NOL10: variants seen among roughly 807,000 people sequenced by gnomAD.
NOL10 encodes H_NH0074G24.1.
A neutral mutation model predicts 103.5 loss-of-function variants in NOL10; 58 were observed. That is an observed-to-expected ratio of 0.56 (90% CI 0.45 to 0.70). The LOEUF is 0.70. Ranked by LOEUF, NOL10 falls within the 30% of genes least tolerant of loss-of-function variation. NOL10 has a pLI of 0.00. For synonymous variants in NOL10, 287 were observed against 282.5 expected, an observed-to-expected ratio of 1.02 and a Z score of -0.16; for missense variants, 763 against 807.3, an observed-to-expected ratio of 0.95 and a Z score of 0.67.
At chr2:10,657,084 C>T (rs1271575843) in intron 11 of NOL10, among the ~76,000 whole-genome samples, 6 of 152,048 alleles carry the variant, frequency 3.9e-5, no homozygotes, top group African/African-American at 1.2e-4. Flanking sequence ...TTCAGGAGGT[C>T]GAGGCAGGCG....
intron 13 of NOL10, among the ~76,000 whole-genome samples, chr2:10,641,166 C>T (rs1185307233): frequency 1.9e-5 from 2 of 102,990 alleles, no homozygotes; most frequent in African/African-American, 7.6e-5. Flanking sequence ...ACTAAAAATA[C>T]AAAAATACAA....
intron 12 of NOL10, among the ~76,000 whole-genome samples, chr2:10,649,970 T>G (rs1293954283): frequency 6.6e-6 from 1 of 152,184 alleles, no homozygotes; most frequent in Non-Finnish European, 1.5e-5. Flanking sequence ...CATTCTTAAC[T>G]CAAAGGCTGC....
At chr2:10,662,124 G>T (rs1047985194) in intron 9 of NOL10, among the ~76,000 whole-genome samples, 3 of 152,120 alleles carry the variant, frequency 2.0e-5, no homozygotes, top group South Asian at 4.1e-4. Context: ...TAACATGTAT[G>T]CCATTGACGA....
At chr2:10,686,548 A>T (rs1682223650) in intron 1 of NOL10, among the ~76,000 whole-genome samples, 1 of 152,172 alleles carries the variant, frequency 6.6e-6, no homozygotes, top group African/African-American at 2.4e-5. Context: ...CTGGCAGCTT[A>T]CTGATAACAG....
intron 20 of NOL10, among the ~76,000 whole-genome samples, chr2:10,575,760 CCT>C (rs1220828839): frequency 6.6e-6 from 1 of 152,140 alleles, no homozygotes; most frequent in Non-Finnish European, 1.5e-5. Context: ...GTGCTGCAGA[CCT>C]GGGATCCTTC....
chr2:10,638,203 A>T (rs906474366), intron 13 of NOL10, among the ~76,000 whole-genome samples: 1 of 152,110 alleles, frequency 6.6e-6, no homozygotes, highest in Non-Finnish European at 1.5e-5. Context: ...GGAGGATGCT[A>T]GAGCCCCAAA....
In NOL10 at chr2:10,663,156, C is replaced by T. The variant is rs1303744228; in HGVS notation, c.592-112G>A. 3.1e-5 allele frequency: 23 copies of T among 752,802 alleles called. No homozygotes were observed. The South Asian group carries it at 3.7e-4, about 12-fold the overall frequency. The allele number at this position is 752,802 out of a possible 1,614,324, so 46.6% of individuals were successfully genotyped here. On this transcript the variant is annotated intron_variant, in intron 8 of 20. Coordinates refer to ENST00000381685, the MANE Select transcript of NOL10 (RefSeq NM_024894.4). ...CCGAGGCGGGCTGATCACCTGAAGC[C>T]AGGAGTTTGAGACTAGTCTGACTAA...
rs189406572 is a variant in NOL10, at chr2:10,673,497, C to A, written c.327+23G>T. On this transcript the variant is annotated intron_variant, in intron 5 of 20. Coordinates refer to ENST00000381685, the MANE Select transcript of NOL10 (RefSeq NM_024894.4). ...ACTCATTTCTTGGGTCTAGTCAGTA[C>A]AAACCAATGCTATAAAACATACCTT... 187 of 1,546,254 alleles carry A rather than the reference C, an allele frequency of 1.2e-4. No homozygotes were observed. The African/African-American group carries it at 2.4e-3, about 20-fold the overall frequency.
At chr2:10,666,923 G>A (rs945770000) in intron 8 of NOL10, among the ~76,000 whole-genome samples, 8 of 152,086 alleles carry the variant, frequency 5.3e-5, no homozygotes, top group African/African-American at 1.9e-4. Context: ...ACATGCTTCT[G>A]ACATATTTGC....
At chr2:10,574,533 G>C (rs375364219) in intron 20 of NOL10, among the ~76,000 whole-genome samples, 2 of 151,796 alleles carry the variant, frequency 1.3e-5, no homozygotes, top group Non-Finnish European at 2.9e-5. Flanking sequence ...TGTAGTCCCA[G>C]CTACTCGGGA....
chr2:10,607,435 C>A, intron 13 of NOL10, 124 bp from the exon 14 acceptor site: 5 of 968,394 alleles, frequency 5.2e-6, no homozygotes, highest in East Asian at 5.5e-5. Flanking sequence ...GAAGTATTGA[C>A]AAATGGATGC....
chr2:10,587,080 T>TATATATAC lies in NOL10; in HGVS notation c.1844+1955_1844+1962dup, dbSNP rs1558270051. The stretch of plus-strand genomic sequence containing the variant: ...ACATATATATATACATATATATACA[T>TATATATAC]ATATATACATATATATACACATATA... On this transcript the variant is annotated intron_variant, in intron 19 of 20. Transcript: ENST00000381685. Among the ~76,000 whole-genome samples, 335 of 46,114 alleles carry TATATATAC rather than the reference T, an allele frequency of 7.3e-3. 102 individuals are homozygous for TATATATAC. The highest frequency in any genetic ancestry group is 0.012 in the Non-Finnish European group (255 of 20,538). The allele number at this position is 46,114 out of a possible 152,430, so 30.3% of individuals were successfully genotyped here.
At chr2:10,631,534 C>T (rs1171443272) in intron 13 of NOL10, among the ~76,000 whole-genome samples, 3 of 152,170 alleles carry the variant, frequency 2.0e-5, no homozygotes, top group Non-Finnish European at 2.9e-5. Flanking sequence ...AACAGAATCA[C>T]TATTAAATCT....
chr2:10,684,601 A>G lies in NOL10; in HGVS notation c.78T>C (p.Asp26=), dbSNP rs777165168. Residue 26 remains aspartate, a synonymous_variant, in exon 2 of 21, where the codon GAT becomes GAC. Coordinates refer to ENST00000381685, the MANE Select transcript of NOL10 (RefSeq NM_024894.4). ...CGKSLPEWLS[D]RKKRALQKKD... is the part of the protein sequence containing the mutation. ...TCTTCTGTAGCGCTCTCTTCTTCCT[A>G]TCAGAAAGCCACTTAAAGAAAATGA... 11 of 1,570,464 alleles carry G rather than the reference A, an allele frequency of 7.0e-6. No homozygotes were observed. The highest frequency in any genetic ancestry group is 1.4e-5 in the African/African-American group (1 of 74,024).
intron 19 of NOL10, among the ~76,000 whole-genome samples, chr2:10,582,476 CTCTT>C (rs908984656): frequency 3.0e-4 from 46 of 152,314 alleles, no homozygotes; most frequent in African/African-American, 1.0e-3. Flanking sequence ...TCTAAGGACT[CTCTT>C]TCTCCACTGT....
intron 19 of NOL10, among the ~76,000 whole-genome samples, chr2:10,578,668 GT>G (rs1180967651): frequency 6.6e-6 from 1 of 152,138 alleles, no homozygotes; most frequent in African/African-American, 2.4e-5. Context: ...AAGTTATAAT[GT>G]TTTATTATAA....
chr2:10,643,207 G>A (rs578229999), intron 13 of NOL10, among the ~76,000 whole-genome samples: 3 of 152,260 alleles, frequency 2.0e-5, no homozygotes, highest in African/African-American at 7.2e-5. Context: ...TCAACAACAC[G>A]TCAGTATCCC....
chr2:10,684,000 C>T (rs976922477), intron 2 of NOL10, among the ~76,000 whole-genome samples: 26 of 152,040 alleles, frequency 1.7e-4, no homozygotes, highest in African/African-American at 5.3e-4. Context: ...GAAAGGCGGC[C>T]GGACGCGGTG....
intron 13 of NOL10, chr2:10,634,629 A>G (rs1349788496): frequency 4.4e-6 from 2 of 456,438 alleles, no homozygotes; most frequent in Non-Finnish European, 8.8e-6. Context: ...AAGCCTAGGC[A>G]TAAACAAGCT....
Sources: allele counts gnomAD v4.1 joint callset (sites outside exome capture counted in the v4.1 genomes callset), GRCh38; gene constraint gnomAD v4.1.1; transcripts MANE v1.5; gene names NCBI Gene and HGNC (gene_info 2026-07-23, HGNC 2026-07-21).